CDCA7L: variants seen among roughly 807,000 people sequenced by gnomAD.
CDCA7L encodes cell division cycle associated 7 like, also known as cell division cycle-associated 7-like protein.
A neutral mutation model predicts 57.4 loss-of-function variants in CDCA7L; 44 were observed. The ratio of observed to expected loss-of-function variants is 0.77; its 90% CI spans 0.60 to 0.98. The LOEUF (loss-of-function observed/expected upper bound fraction) is 0.98. Ranked by LOEUF, CDCA7L falls within the 50% of genes least tolerant of loss-of-function variation. The pLI, the probability that CDCA7L is intolerant of heterozygous loss-of-function variation, is 0.00. For missense variants in CDCA7L, 644 were observed against 580.6 expected, an observed-to-expected ratio of 1.11 and a Z score of -1.12; for synonymous variants, 236 against 202.8, an observed-to-expected ratio of 1.16 and a Z score of -1.39.
chr7:21,907,100 T>G (rs547519211), intron 4 of CDCA7L, among the ~76,000 whole-genome samples: 1 of 152,216 alleles, frequency 6.6e-6, no homozygotes, highest in South Asian at 2.1e-4. Context: ...TAATTTCTCA[T>G]CAATCAAAGT....
At chr7:21,910,136 C>T (rs143687543) in intron 3 of CDCA7L, among the ~76,000 whole-genome samples, 73 of 152,350 alleles carry the variant, frequency 4.8e-4, no homozygotes, top group African/African-American at 1.7e-3. Context: ...GGGTAATTCA[C>T]TTTCTCTCAC....
Position 21,906,370 on chromosome 7 carries a change from CT to C in CDCA7L, c.839del (p.Lys280SerfsTer4). On this transcript the variant is annotated frameshift_variant, in exon 6 of 10. Transcript: ENST00000406877. LOFTEE classifies it high-confidence loss of function. ...NPTRSARPPE[K>X]FALENFTVSA... ...AGACAGTGAAGTTCTCTAGAGCAAACTTCTCAGGAGGCCGCGCACTCCGGGT... is the reference window on the plus strand; with the variant it reads ...AGACAGTGAAGTTCTCTAGAGCAAACTCTCAGGAGGCCGCGCACTCCGGGT... The C allele has an allele frequency of 6.2e-7, 1 of 1,613,888 alleles. No homozygotes were observed. The highest frequency in any genetic ancestry group is 8.5e-7 in the Non-Finnish European group (1 of 1,179,834).
chr7:21,935,816 G>A (rs1296284865), intron 1 of CDCA7L, among the ~76,000 whole-genome samples: 1 of 152,064 alleles, frequency 6.6e-6, no homozygotes, highest in African/African-American at 2.4e-5. Context: ...AGACCAGCCT[G>A]GCCAAGATGG....
chr7:21,908,361 G>C lies in CDCA7L; in HGVS notation c.450C>G (p.Thr150=), dbSNP rs1259408661. Residue 150 remains threonine (T), a synonymous_variant, in exon 4 of 10, where the codon ACC becomes ACG. Transcript: ENST00000406877. The stretch of plus-strand genomic sequence containing the variant: ...TATCTGGTTTGTTGGCCAGCTTCTT[G>C]GTGGGGAACTGAAAGGCTACTCGAA... ...IGLRVAFQFP[T]KKLANKPDKN... 1.2e-6 allele frequency: 2 copies of C among 1,610,334 alleles called. No homozygotes were observed. Among genetic ancestry groups the C allele is most frequent in the South Asian group, 2.2e-5 (2 of 90,744 alleles).
intron 1 of CDCA7L, among the ~76,000 whole-genome samples, chr7:21,941,961 C>A (rs1271869047): frequency 6.6e-6 from 1 of 152,194 alleles, no homozygotes; most frequent in East Asian, 1.9e-4. Flanking sequence ...TAGCACAGAG[C>A]AGGAGCCAGC....
intron 2 of CDCA7L, among the ~76,000 whole-genome samples, chr7:21,914,083 T>G (rs191634287): frequency 6.6e-6 from 1 of 152,312 alleles, no homozygotes; most frequent in Admixed American, 6.5e-5. Flanking sequence ...AAATAACACA[T>G]CAGAGGAGAA....
chr7:21,923,809 G>T (rs1225648720), intron 1 of CDCA7L, among the ~76,000 whole-genome samples: 4 of 152,172 alleles, frequency 2.6e-5, no homozygotes, highest in African/African-American at 9.7e-5. Flanking sequence ...ATCCAGCTTT[G>T]TTCTATCCCA....
In CDCA7L at chr7:21,903,108, C is replaced by T. The variant is rs559237991; in HGVS notation, c.1204G>A (p.Val402Met). ...CAGATCCCACGACAGGGGGGACACA[C>T]CCAATCCTAACAGAGAGATGACAGC... The part of the protein sequence containing the change: ...VRSALLDPDW[V>M]CPPCRGICNC... Residue 402 changes from valine (V) to methionine (M), a missense_variant, in exon 9 of 10, where the codon GTG becomes ATG. By Grantham distance (21) the Val-to-Met change is conservative. Transcript: ENST00000406877. The T allele has an allele frequency of 6.2e-7, 1 of 1,613,354 alleles. No individual in the cohort carries two copies. The highest frequency in any genetic ancestry group is 8.5e-7 in the Non-Finnish European group (1 of 1,179,820).
intron 6 of CDCA7L, among the ~76,000 whole-genome samples, chr7:21,906,083 G>C (rs985904233): frequency 6.6e-6 from 1 of 151,502 alleles, no homozygotes; most frequent in African/African-American, 2.4e-5. Context: ...GACTCTCTCT[G>C]TGACCTCCAG....
chr7:21,911,828 C>G, intron 2 of CDCA7L, 74 bp from the exon 3 acceptor site: 1 of 1,420,672 alleles, frequency 7.0e-7, no homozygotes, highest in East Asian at 2.3e-5. Context: ...GAATGAGGAG[C>G]TACTGAACGG....
Position 21,939,172 on chromosome 7 carries a change from A to G in CDCA7L, c.24+6609T>C, listed in dbSNP as rs568665496. Among the ~76,000 whole-genome samples the G allele has an allele frequency of 5.9e-5, 9 of 152,268 alleles. No individual in the cohort carries two copies. In the South Asian group the frequency reaches 1.9e-3, roughly 32 times the overall value. On this transcript the variant is annotated intron_variant, in intron 1 of 9. Coordinates refer to ENST00000406877, the MANE Select transcript of CDCA7L (RefSeq NM_018719.5). ...CATATCCTCAGAGACAGAAACTAAA[A>G]CAGAAGTAACCAGGGGCTGGAGGAA...
At chr7:21,931,532 G>T (rs1786016191) in intron 1 of CDCA7L, among the ~76,000 whole-genome samples, 2 of 152,182 alleles carry the variant, frequency 1.3e-5, no homozygotes. Flanking sequence ...AAAACCACAT[G>T]ATTATCTCAA....
Position 21,906,273 on chromosome 7 carries a change from A to G in CDCA7L, c.921+16T>C. ...AGCTCAGACAAAAACTAATTCATGT[A>G]TTAGTCAGAAAATACCCCAATTGTC... On this transcript the variant is annotated intron_variant, in intron 6 of 9. Coordinates refer to ENST00000406877, the MANE Select transcript of CDCA7L (RefSeq NM_018719.5). The G allele has an allele frequency of 6.4e-7, 1 of 1,574,780 alleles. No individual in the cohort carries two copies. The highest frequency in any genetic ancestry group is 8.6e-7 in the Non-Finnish European group (1 of 1,159,568).
intron 1 of CDCA7L, among the ~76,000 whole-genome samples, chr7:21,929,937 G>C (rs1412222341): frequency 1.3e-5 from 2 of 152,142 alleles, no homozygotes; most frequent in Non-Finnish European, 2.9e-5. Context: ...AGGATATTCA[G>C]GACTTGAACA....
At chr7:21,902,375 T>TTGGTAAAGTAG (rs769279542) in intron 9 of CDCA7L, 23 bp from the exon 10 acceptor site, 2 of 1,611,456 alleles carry the variant, frequency 1.2e-6, no homozygotes, top group East Asian at 4.5e-5. Flanking sequence ...TGAGAAGTAT[T>TTGGTAAAGTAG]TGGTAAAGTA....
At chr7:21,937,141 A>G (rs914772688) in intron 1 of CDCA7L, among the ~76,000 whole-genome samples, 1 of 152,214 alleles carries the variant, frequency 6.6e-6, no homozygotes, top group Non-Finnish European at 1.5e-5. Context: ...CGAAAAAATC[A>G]AGGAAGACAA....
intron 2 of CDCA7L, 95 bp downstream of exon 2, chr7:21,916,659 A>G: frequency 8.7e-7 from 1 of 1,143,848 alleles, no homozygotes; most frequent in East Asian, 2.4e-5. Context: ...ATGAACTGAT[A>G]TCACCAATCT....
chr7:21,945,379 ACTTT>A (rs996362149), intron 1 of CDCA7L, among the ~76,000 whole-genome samples: 4 of 151,810 alleles, frequency 2.6e-5, no homozygotes, highest in African/African-American at 9.7e-5. Context: ...AAAAATTACA[ACTTT>A]CTTAAGCTTC....
chr7:21,931,588 T>TA lies in CDCA7L; in HGVS notation c.24+14192dup, dbSNP rs1203846792. 1.3e-5 allele frequency among the ~76,000 whole-genome samples: 2 copies of TA among 152,210 alleles called. 1 individual carries two copies. Among genetic ancestry groups the TA allele is most frequent in the African/African-American group, 4.8e-5 (2 of 41,444 alleles). ...AATAAAATTCAACACCGATTCCTGCTAAAAACTCTCAGTAAACGAGGTATT... is the reference window on the plus strand; with the variant it reads ...AATAAAATTCAACACCGATTCCTGCTAAAAAACTCTCAGTAAACGAGGTATT... On this transcript the variant is annotated intron_variant, in intron 1 of 9. Coordinates refer to ENST00000406877, the MANE Select transcript of CDCA7L (RefSeq NM_018719.5).
Sources: gnomAD v4.1 joint callset for allele counts (sites outside exome capture counted in the v4.1 genomes callset) on GRCh38, gnomAD v4.1.1 for gene constraint, MANE v1.5 for transcripts, NCBI Gene and HGNC (gene_info 2026-07-23, HGNC 2026-07-21) for gene names.